The following TSHZ1 variants were observed in gnomAD, a reference collection of about 807,000 sequenced individuals.
TSHZ1 encodes teashirt zinc finger homeobox 1.
A neutral mutation model predicts 67.1 loss-of-function variants in TSHZ1; 12 were observed. The observed-to-expected ratio is 0.18, with a 90% CI of 0.11 to 0.29. TSHZ1 has a LOEUF of 0.29. Ranked by LOEUF, TSHZ1 falls within the 10% of genes least tolerant of loss-of-function variation. The pLI is 1.00. For missense variants in TSHZ1, 1,305 were observed against 1,413.9 expected (o/e 0.92, Z 1.23); for synonymous variants, 632 against 622.4 (o/e 1.02, Z -0.23).
At chr18:75,239,653 A>G (rs933076048) in intron 1 of TSHZ1, among the ~76,000 whole-genome samples, 8 of 152,110 alleles carry the variant, frequency 5.3e-5, no homozygotes, top group Non-Finnish European at 1.2e-4. Flanking sequence ...GATGTGTCCT[A>G]CCACACTCAG....
intron 1 of TSHZ1, among the ~76,000 whole-genome samples, chr18:75,277,827 G>A (rs900678383): frequency 6.6e-6 from 1 of 152,182 alleles, no homozygotes; most frequent in East Asian, 1.9e-4. Flanking sequence ...CATACTGATG[G>A]TGATGATTCT....
intron 1 of TSHZ1, among the ~76,000 whole-genome samples, chr18:75,223,176 C>T (rs943278258): frequency 2.6e-5 from 4 of 151,958 alleles, no homozygotes; most frequent in Non-Finnish European, 5.9e-5. Context: ...AGAGTGGAGG[C>T]GGTACAAGGG....
intron 1 of TSHZ1, among the ~76,000 whole-genome samples, chr18:75,218,165 A>G (rs1009975587): frequency 2.0e-5 from 3 of 152,226 alleles, no homozygotes; most frequent in African/African-American, 7.2e-5. Context: ...GGAAAAAAAT[A>G]TGTGCATAGG....
rs2023798883 is a variant in TSHZ1 at position 75,287,738 on chromosome 18, C to T, written c.2331C>T (p.Ile777=). The stretch of plus-strand genomic sequence containing the variant: ...ACCCGCTGGCGATGCTGTACAAGAT[C>T]AGCAACAGCATGCTGGACAAGCCGG... The part of the protein sequence containing the change: ...SLDPLAMLYK[I]SNSMLDKPVY... Residue 777 remains isoleucine (I), a synonymous_variant, in exon 2 of 2, where the codon ATC becomes ATT. Coordinates refer to ENST00000580243, the MANE Select transcript of TSHZ1 (RefSeq NM_001308210.2). This position sits in a 1 kb window ranked among gnomAD's most constrained non-coding sequence, Gnocchi z 5.0. 1 of 1,613,980 alleles carries T rather than the reference C, an allele frequency of 6.2e-7. No homozygotes were observed. Among genetic ancestry groups the T allele is most frequent in the Non-Finnish European group, 8.5e-7 (1 of 1,180,044 alleles).
intron 1 of TSHZ1, among the ~76,000 whole-genome samples, chr18:75,264,624 T>C (rs762443350): frequency 3.3e-5 from 5 of 152,154 alleles, no homozygotes; most frequent in Middle Eastern, 3.2e-3. Flanking sequence ...TGGAGTTCTT[T>C]GGCAGGGTCT....
Position 75,243,699 on chromosome 18 carries a change from T to G in TSHZ1, c.40+31783T>G, listed in dbSNP as rs745938868. Among the ~76,000 whole-genome samples, 48 of 152,338 alleles carry G rather than the reference T, an allele frequency of 3.2e-4. 1 individual carries two copies. Among genetic ancestry groups the G allele is most frequent in the South Asian group, 6.2e-4 (3 of 4,820 alleles). ...TGAGGAATGTTCAGATTTAGGAGAATGACAGGCACCATGTATTTTCACCTG... is the reference window on the plus strand; with the variant it reads ...TGAGGAATGTTCAGATTTAGGAGAAGGACAGGCACCATGTATTTTCACCTG... On this transcript the variant is annotated intron_variant, in intron 1 of 1. Transcript: ENST00000580243.
intron 1 of TSHZ1, among the ~76,000 whole-genome samples, chr18:75,239,574 C>G (rs138826486): frequency 3.3e-5 from 5 of 152,180 alleles, no homozygotes; most frequent in African/African-American, 4.8e-5. Flanking sequence ...AATCATCGCT[C>G]ACTGCAGCCT....
At chr18:75,260,002 T>C (rs1486615824) in intron 1 of TSHZ1, among the ~76,000 whole-genome samples, 1 of 152,250 alleles carries the variant, frequency 6.6e-6, no homozygotes, top group Non-Finnish European at 1.5e-5. Context: ...TGCAGCCCTT[T>C]GTACTGATGC....
rs1442703567 is a variant in TSHZ1 at position 75,285,905 on chromosome 18, C to T, written c.498C>T (p.Ser166=). The change falls in exon 2 of 2, where the codon AGC becomes AGT. Residue 166 remains serine, a synonymous_variant. Coordinates refer to ENST00000580243, the MANE Select transcript of TSHZ1 (RefSeq NM_001308210.2). ...PTPTPPTCPV[S]TTGPTTSTPS... The stretch of plus-strand genomic sequence containing the variant: ...CCACACCCCCCACCTGCCCCGTCAG[C>T]ACCACTGGCCCCACCACGAGCACGC... The T allele has an allele frequency of 6.6e-7, 1 of 1,518,138 alleles. No homozygotes were observed. The highest frequency in any genetic ancestry group is 8.9e-7 in the Non-Finnish European group (1 of 1,126,590). 94.0% of individuals were successfully genotyped at this position (1,518,138 alleles called of 1,614,324 possible).
At position 75,246,403 on chromosome 18, in the gene TSHZ1, GGTGTGTGTGT is replaced by G. The variant is rs74178999; in HGVS notation, c.40+34520_40+34529del. 6.0e-3 allele frequency among the ~76,000 whole-genome samples: 651 copies of G among 108,424 alleles called. 6 individuals are homozygous for G. The highest frequency in any genetic ancestry group is 0.019 in the African/African-American group (532 of 28,254). 71.1% of individuals were successfully genotyped at this position (108,424 alleles called of 152,430 possible). ...CTCTGATGGGGTGTTTTTGGTTTCT[GGTGTGTGTGT>G]GTGTGTGTGTGTGTGTGTGTGTGTG... On this transcript the variant is annotated intron_variant, in intron 1 of 1. Coordinates refer to ENST00000580243, the MANE Select transcript of TSHZ1 (RefSeq NM_001308210.2).
intron 1 of TSHZ1, among the ~76,000 whole-genome samples, chr18:75,228,059 C>T (rs2022948736): frequency 6.6e-6 from 1 of 152,184 alleles, no homozygotes. Context: ...TTGGGTTGTA[C>T]AAGGCTGTAA....
chr18:75,270,444 G>A (rs1467474591), intron 1 of TSHZ1, among the ~76,000 whole-genome samples: 1 of 152,152 alleles, frequency 6.6e-6, no homozygotes, highest in Non-Finnish European at 1.5e-5. Flanking sequence ...ATATTCTGTG[G>A]GTATGAAATG....
chr18:75,273,621 T>G (rs891235617), intron 1 of TSHZ1, among the ~76,000 whole-genome samples: 2 of 152,212 alleles, frequency 1.3e-5, no homozygotes. Context: ...TGTATGTGTG[T>G]TTACGTTGTA....
rs373206564 is a variant in TSHZ1 at position 75,288,245 on chromosome 18, T to C, written c.2838T>C (p.Asn946=). The C allele has an allele frequency of 1.9e-6, 3 of 1,614,176 alleles. No homozygotes were observed. The highest frequency in any genetic ancestry group is 2.5e-6 in the Non-Finnish European group (3 of 1,180,018). The change falls in exon 2 of 2, where the codon AAT becomes AAC. Residue 946 remains asparagine (N), a synonymous_variant. Transcript: ENST00000580243. This position sits in a 1 kb window ranked among gnomAD's most constrained non-coding sequence, Gnocchi z 4.9. The part of the protein sequence containing the change: ...SMTTISHWLA[N]VKYQLRRTGG... The stretch of plus-strand genomic sequence containing the variant: ...CCACCATCAGCCACTGGCTGGCCAA[T>C]GTGAAGTACCAGTTGAGGAGGACAG...
intron 1 of TSHZ1, among the ~76,000 whole-genome samples, chr18:75,274,487 A>C (rs1366757043): frequency 6.6e-6 from 1 of 152,168 alleles, no homozygotes; most frequent in East Asian, 1.9e-4. Context: ...CCCCTGGTAA[A>C]GGATATTCTG....
At chr18:75,219,944 CG>C (rs1376572383) in intron 1 of TSHZ1, among the ~76,000 whole-genome samples, 1 of 152,164 alleles carries the variant, frequency 6.6e-6, no homozygotes, top group Non-Finnish European at 1.5e-5. Context: ...TGACCAAGCC[CG>C]GGGTTGTGAT....
At chr18:75,270,038 CTGATTT>C (rs2023539057) in intron 1 of TSHZ1, among the ~76,000 whole-genome samples, 1 of 152,216 alleles carries the variant, frequency 6.6e-6, no homozygotes, top group South Asian at 2.1e-4. Flanking sequence ...AGACAAGAAC[CTGATTT>C]TGCAAACAGC....
intron 1 of TSHZ1, among the ~76,000 whole-genome samples, chr18:75,225,473 C>G (rs1033197602): frequency 4.2e-4 from 64 of 152,182 alleles, no homozygotes; most frequent in Middle Eastern, 3.2e-3. Flanking sequence ...TGTGAGCTGG[C>G]CCATCTCTGT....
At chr18:75,225,757 T>G (rs116227026) in intron 1 of TSHZ1, among the ~76,000 whole-genome samples, 1,755 of 146,278 alleles carry the variant, frequency 0.012, 34 homozygotes, top group African/African-American at 0.042. Flanking sequence ...CGGGTTTTAC[T>G]TAATGTTCTT....
Sources: allele counts gnomAD v4.1 joint callset (sites outside exome capture counted in the v4.1 genomes callset), GRCh38; gene constraint gnomAD v4.1.1; non-coding constraint Gnocchi (gnomAD v3.1); transcripts MANE v1.5; gene names NCBI Gene and HGNC (gene_info 2026-07-23, HGNC 2026-07-21).